The following NAA20 variants were observed in gnomAD, a reference collection of about 807,000 sequenced individuals.
NAA20 encodes N-alpha-acetyltransferase 20, NatB catalytic subunit.
Under a neutral mutation model 23.8 loss-of-function variants are expected in NAA20, and 24 were observed. That is an observed-to-expected ratio of 1.01 (90% CI 0.73 to 1.42). The LOEUF is 1.42. Among genes scored for constraint, NAA20 ranks in the 40% most tolerant of loss-of-function variants. NAA20 has a pLI of 0.00. For missense variants in NAA20, 166 were observed against 223.1 expected, an observed-to-expected ratio of 0.74 and a Z score of 1.63; for synonymous variants, 83 against 77.7, an observed-to-expected ratio of 1.07 and a Z score of -0.36.
intron 1 of NAA20, among the ~76,000 whole-genome samples, chr20:20,021,469 A>G (rs539356465): frequency 2.8e-4 from 43 of 152,076 alleles, no homozygotes; most frequent in African/African-American, 8.7e-4. Flanking sequence ...TTGTCACTGG[A>G]TTTTGTTTTG....
Position 20,022,395 on chromosome 20 carries a change from C to T in NAA20, c.54-61C>T. 2.7e-6 allele frequency: 4 copies of T among 1,493,576 alleles called. No individual in the cohort carries two copies. The South Asian group carries it at 3.7e-5, about 14-fold the overall frequency. The allele number at this position is 1,493,576 out of a possible 1,614,324, so 92.5% of individuals were successfully genotyped here. ...GCATATTACTGTTAGCTTTAGCAGG[C>T]TTATTTCAACTGGTTATTGTAAACG... is the stretch of plus-strand genomic sequence containing the variant. On this transcript the variant is annotated intron_variant, in intron 1 of 5. Transcript: ENST00000334982.
chr20:20,017,302 T>C (rs956882858), upstream of NAA20: 27 of 1,534,220 alleles, frequency 1.8e-5, no homozygotes, highest in Admixed American at 9.1e-5. Context: ...CAGTACCCCG[T>C]CTCGCTCGGT....
chr20:20,023,782 C>T (rs777097648), intron 2 of NAA20, among the ~76,000 whole-genome samples: 2 of 152,174 alleles, frequency 1.3e-5, no homozygotes, highest in Non-Finnish European at 2.9e-5. Context: ...TATGTATCAG[C>T]CAAGATTTTA....
intron 1 of NAA20, chr20:20,018,556 G>T (rs185374701): frequency 6.2e-6 from 1 of 162,344 alleles, no homozygotes; most frequent in Non-Finnish European, 1.4e-5. Context: ...AAGGAGCGGG[G>T]CATGAAAATG....
At chr20:20,023,730 CAA>C (rs1196098779) in intron 2 of NAA20, among the ~76,000 whole-genome samples, 2 of 152,112 alleles carry the variant, frequency 1.3e-5, no homozygotes, top group African/African-American at 4.8e-5. Flanking sequence ...TCTCATCAGT[CAA>C]AAGACATGTA....
At chr20:20,032,946 C>T (rs1029667068) in intron 5 of NAA20, among the ~76,000 whole-genome samples, 156 bp from the exon 6 acceptor site, 1 of 152,140 alleles carries the variant, frequency 6.6e-6, no homozygotes, top group African/African-American at 2.4e-5. Context: ...GCATCTGGTA[C>T]ACTTGGCAAT....
At chr20:20,021,051 G>A (rs77117595) in intron 1 of NAA20, among the ~76,000 whole-genome samples, 2 of 100,008 alleles carry the variant, frequency 2.0e-5, no homozygotes, top group African/African-American at 3.7e-5. Context: ...GGGGGGGGGG[G>A]GACTTTGGCA....
At chr20:20,024,213 A>G (rs1394589696) in intron 2 of NAA20, among the ~76,000 whole-genome samples, 1 of 152,216 alleles carries the variant, frequency 6.6e-6, no homozygotes, top group Non-Finnish European at 1.5e-5. Flanking sequence ...AGCATTTGGA[A>G]TAAGATTCAC....
intron 1 of NAA20, chr20:20,018,204 C>T: frequency 1.2e-6 from 1 of 864,600 alleles, no homozygotes; most frequent in Non-Finnish European, 1.7e-6. Context: ...TTTGCAGGTA[C>T]CAATTTTTTT....
chr20:20,032,284 T>C (rs750927381), intron 4 of NAA20, among the ~76,000 whole-genome samples: 1 of 150,974 alleles, frequency 6.6e-6, no homozygotes, highest in Non-Finnish European at 1.5e-5. Flanking sequence ...TTTGAAATAC[T>C]AGCATGCAAA....
At chr20:20,017,481 T>C (rs2146457026) in intron 1 of NAA20, 32 bp downstream of exon 1, 1 of 1,585,362 alleles carries the variant, frequency 6.3e-7, no homozygotes, top group East Asian at 2.4e-5. Context: ...CCAGCCGCTC[T>C]TGGCCGGGCC....
At chr20:20,017,648 C>A in intron 1 of NAA20, 199 bp downstream of exon 1, 1 of 1,351,876 alleles carries the variant, frequency 7.4e-7, no homozygotes, top group Non-Finnish European at 9.7e-7. Context: ...AGTCGACGCA[C>A]GCCGGCCTTG....
chr20:20,026,902 A>G lies in NAA20; in HGVS notation c.288A>G (p.Leu96=), dbSNP rs117699410. The G allele has an allele frequency of 1.0e-3, 1,679 of 1,614,224 alleles. 16 individuals carry two copies. In the East Asian group the frequency reaches 0.026, roughly 25 times the overall value. Residue 96 remains leucine, a synonymous_variant, in exon 4 of 6, where the codon CTA becomes CTG. Coordinates refer to ENST00000334982, the MANE Select transcript of NAA20 (RefSeq NM_016100.5). ...TGGCTGCTAAACTTATGGAGTTACTAGAGGAGATTTCAGAAAGGTGAGATT... is the reference window on the plus strand; with the variant it reads ...TGGCTGCTAAACTTATGGAGTTACTGGAGGAGATTTCAGAAAGGTGAGATT... ...LGLAAKLMEL[L]EEISERKGGF...
At chr20:20,018,173 G>A in intron 1 of NAA20, 1 of 1,349,204 alleles carries the variant, frequency 7.4e-7, no homozygotes, top group Non-Finnish European at 1.1e-6. Flanking sequence ...CTTTGGATTC[G>A]AGTTAAGGCC....
At chr20:20,030,881 G>T (rs963624134) in intron 4 of NAA20, among the ~76,000 whole-genome samples, 1 of 151,908 alleles carries the variant, frequency 6.6e-6, no homozygotes, top group African/African-American at 2.4e-5. Context: ...GTAAAATTTA[G>T]AAAAAGATGC....
chr20:20,017,608 G>T lies in NAA20; in HGVS notation c.53+159G>T, dbSNP rs565205609. ...CGGCCAACGTGGGCGCCTCCCTGGG[G>T]CCACAGGGTCCAGGGAGAGGTGGGC... On this transcript the variant is annotated intron_variant, in intron 1 of 5. Coordinates refer to ENST00000334982, the MANE Select transcript of NAA20 (RefSeq NM_016100.5). The T allele has an allele frequency of 4.1e-5, 53 of 1,298,666 alleles. No homozygotes were observed. In the African/African-American group the frequency reaches 7.4e-4, roughly 18 times the overall value. 80.4% of individuals were successfully genotyped at this position (1,298,666 alleles called of 1,614,324 possible).
At chr20:20,021,148 A>G (rs12626123) in intron 1 of NAA20, among the ~76,000 whole-genome samples, 15,767 of 151,856 alleles carry the variant, frequency 0.1, 1,731 homozygotes, top group East Asian at 0.6. Context: ...GGGTGGGCAG[A>G]CAAGAGGAGA....
At chr20:20,023,820 T>C (rs1488749026) in intron 2 of NAA20, among the ~76,000 whole-genome samples, 2 of 152,250 alleles carry the variant, frequency 1.3e-5, no homozygotes, top group Non-Finnish European at 2.9e-5. Context: ...GTGCTGATGA[T>C]GGTGAGGTGA....
upstream of NAA20, chr20:20,017,361 T>G (rs775925402): frequency 1.2e-6 from 2 of 1,608,778 alleles, no homozygotes; most frequent in East Asian, 2.2e-5. Context: ...GGGCGCGGGG[T>G]CTTGGCGAAC....
Sources: allele counts gnomAD v4.1 joint callset (sites outside exome capture counted in the v4.1 genomes callset), GRCh38; gene constraint gnomAD v4.1.1; transcripts MANE v1.5; gene names NCBI Gene and HGNC (gene_info 2026-07-23, HGNC 2026-07-21).